PPP1R9A: variants seen among roughly 807,000 people sequenced by gnomAD.
The protein encoded by PPP1R9A is protein phosphatase 1 regulatory subunit 9A.
In PPP1R9A, 59 loss-of-function variants were observed where a neutral mutation model predicts 141.9. That is an observed-to-expected ratio of 0.42 (90% CI 0.34 to 0.52). The LOEUF (loss-of-function observed/expected upper bound fraction) is 0.52, where lower values mean the gene tolerates loss of function less well. Among genes scored for constraint, PPP1R9A ranks in the 20% least tolerant of loss-of-function variants. The probability of loss-of-function intolerance (pLI) is 0.10; values close to 1 mark genes in which losing one functional copy is unlikely to be tolerated. For missense variants in PPP1R9A, 1,444 were observed against 1,611.9 expected (o/e 0.90, Z 1.78); for synonymous variants, 500 against 569.7 (o/e 0.88, Z 1.74).
At chr7:95,049,578 T>C (rs1420538447) in intron 2 of PPP1R9A, among the ~76,000 whole-genome samples, 2 of 152,168 alleles carry the variant, frequency 1.3e-5, no homozygotes, top group Non-Finnish European at 2.9e-5. Context: ...GGTTCACTGT[T>C]AGTGTTGTAT....
At chr7:95,246,551 A>G (rs1214506269) in intron 8 of PPP1R9A, among the ~76,000 whole-genome samples, 1 of 152,166 alleles carries the variant, frequency 6.6e-6, no homozygotes, top group Non-Finnish European at 1.5e-5. Flanking sequence ...GTTTTTGACT[A>G]TAGAGTGCCT....
At chr7:94,940,487 G>C (rs1795223100) in intron 2 of PPP1R9A, among the ~76,000 whole-genome samples, 1 of 151,678 alleles carries the variant, frequency 6.6e-6, no homozygotes, top group Admixed American at 6.6e-5. Context: ...CTAGATCTGT[G>C]AGCCAAAGAT....
intron 2 of PPP1R9A, among the ~76,000 whole-genome samples, chr7:95,052,198 A>G (rs1810917199): frequency 6.6e-6 from 1 of 152,176 alleles, no homozygotes; most frequent in South Asian, 2.1e-4. Context: ...AACAGTCAGT[A>G]ATGGGCTTAA....
chr7:95,251,415 T>C (rs1049680255), intron 10 of PPP1R9A, among the ~76,000 whole-genome samples: 1 of 152,188 alleles, frequency 6.6e-6, no homozygotes, highest in African/African-American at 2.4e-5. Flanking sequence ...GCTTATGACA[T>C]TGGAAAAATG....
rs1258654392 is a variant in PPP1R9A at position 95,273,886 on chromosome 7, G to A, written c.3125-13G>A. 5 of 1,484,434 alleles carry A rather than the reference G, an allele frequency of 3.4e-6. No homozygotes were observed. The African/African-American group carries it at 5.5e-5, about 16-fold the overall frequency. The allele number at this position is 1,484,434 out of a possible 1,614,324, so 92.0% of individuals were successfully genotyped here. The stretch of plus-strand genomic sequence containing the variant: ...ATAATAATTGATCTTTTTCACAAAT[G>A]TGTATATCCTAGATGATGCCAAAGA... On this transcript the variant is annotated splice_polypyrimidine_tract_variant and intron_variant, in intron 14 of 19. Coordinates refer to ENST00000433360, the MANE Select transcript of PPP1R9A (RefSeq NM_001166160.2).
chr7:94,955,059 C>T (rs374318122), intron 2 of PPP1R9A, among the ~76,000 whole-genome samples: 13 of 151,880 alleles, frequency 8.6e-5, no homozygotes, highest in South Asian at 6.2e-4. Flanking sequence ...GTCATTAATA[C>T]AATTATTATT....
At chr7:94,914,627 A>G (rs953481622) in intron 2 of PPP1R9A, among the ~76,000 whole-genome samples, 4 of 152,232 alleles carry the variant, frequency 2.6e-5, no homozygotes, top group African/African-American at 9.6e-5. Context: ...GTTATGGACC[A>G]TGCTAATTCG....
chr7:94,952,758 G>A (rs534655845), intron 2 of PPP1R9A, among the ~76,000 whole-genome samples: 1 of 152,174 alleles, frequency 6.6e-6, no homozygotes, highest in Admixed American at 6.5e-5. Context: ...GTCTTCTTTT[G>A]ATAATTGCCT....
At chr7:95,151,160 A>G (rs961231873) in intron 4 of PPP1R9A, among the ~76,000 whole-genome samples, 1 of 152,240 alleles carries the variant, frequency 6.6e-6, no homozygotes, top group Non-Finnish European at 1.5e-5. Context: ...ACTTTTGTCC[A>G]CACAAAAACT....
At chr7:95,147,527 A>C (rs778911219) in intron 4 of PPP1R9A, among the ~76,000 whole-genome samples, 1 of 152,086 alleles carries the variant, frequency 6.6e-6, no homozygotes, top group African/African-American at 2.4e-5. Flanking sequence ...AACTTCCAAT[A>C]CTGTGTTGAA....
At chr7:95,288,784 G>A in intron 19 of PPP1R9A, 66 bp downstream of exon 19, 1 of 1,537,418 alleles carries the variant, frequency 6.5e-7, no homozygotes, top group South Asian at 1.3e-5. Flanking sequence ...CACCTAAAAT[G>A]TTTTCATTAG....
rs76481235 is a variant in PPP1R9A, at chr7:95,067,976, T to C, written c.1396-43283T>C. Reference sequence around the variant, plus strand: ...TCAAACTATGAAACAGCCCCACCCTTATCTCCCTTCACTGACTCTCTTTTC... The same window carrying C: ...TCAAACTATGAAACAGCCCCACCCTCATCTCCCTTCACTGACTCTCTTTTC... On this transcript the variant is annotated intron_variant, in intron 2 of 19. Coordinates refer to ENST00000433360, the MANE Select transcript of PPP1R9A (RefSeq NM_001166160.2). Among the ~76,000 whole-genome samples the C allele has an allele frequency of 8.3e-3, 1,239 of 150,090 alleles. 13 individuals are homozygous for C. Among genetic ancestry groups the C allele is most frequent in the African/African-American group, 0.03 (1,181 of 39,462 alleles).
chr7:95,112,389 A>G (rs1488338553), intron 3 of PPP1R9A, among the ~76,000 whole-genome samples: 2 of 152,220 alleles, frequency 1.3e-5, no homozygotes, highest in African/African-American at 4.8e-5. Flanking sequence ...CAGAACAGCT[A>G]TTATTAATAA....
chr7:95,274,621 T>G (rs1802824990), intron 16 of PPP1R9A, among the ~76,000 whole-genome samples: 1 of 152,218 alleles, frequency 6.6e-6, no homozygotes, highest in African/African-American at 2.4e-5. Context: ...CCACCATCTT[T>G]TGCTGCACTT....
intron 2 of PPP1R9A, among the ~76,000 whole-genome samples, chr7:94,925,844 C>T (rs1334714546): frequency 6.6e-6 from 1 of 151,890 alleles, no homozygotes; most frequent in East Asian, 1.9e-4. Flanking sequence ...TATTATATTT[C>T]GAGACAAGGT....
In PPP1R9A at chr7:95,202,657, A is replaced by T. The variant is rs577269279; in HGVS notation, c.1891-1008A>T. The T allele has an allele frequency of 1.3e-4, 114 of 847,942 alleles. No homozygotes were observed. In the Admixed American group the frequency reaches 3.2e-3, roughly 24 times the overall value. The allele number at this position is 847,942 out of a possible 1,614,324, so 52.5% of individuals were successfully genotyped here. A position where few individuals can be genotyped will look rare whatever the true frequency, so the allele number is the denominator to read the frequency against. On this transcript the variant is annotated intron_variant, in intron 6 of 19. Coordinates refer to ENST00000433360, the MANE Select transcript of PPP1R9A (RefSeq NM_001166160.2). ...GGGTATGATAAATTTTTCAACTAGAATTTAACTTTTTAGTAACATTTAATC... is the reference window on the plus strand; with the variant it reads ...GGGTATGATAAATTTTTCAACTAGATTTTAACTTTTTAGTAACATTTAATC...
intron 2 of PPP1R9A, among the ~76,000 whole-genome samples, chr7:95,099,759 A>C (rs376316786): frequency 6.6e-6 from 1 of 152,190 alleles, no homozygotes; most frequent in African/African-American, 2.4e-5. Context: ...AGATGGAAAA[A>C]AGACCAACCA....
chr7:94,963,351 T>TA (rs1462750204), intron 2 of PPP1R9A, among the ~76,000 whole-genome samples: 1 of 152,140 alleles, frequency 6.6e-6, no homozygotes, highest in Non-Finnish European at 1.5e-5. Context: ...TTCTATTTTT[T>TA]ATAGCAGCTT....
At chr7:95,141,530 C>T (rs941669161) in intron 4 of PPP1R9A, among the ~76,000 whole-genome samples, 2 of 152,112 alleles carry the variant, frequency 1.3e-5, no homozygotes, top group African/African-American at 4.8e-5. Flanking sequence ...CCCAGCTCTC[C>T]TCTCCCTTCT....
Sources: gnomAD v4.1 joint callset for allele counts (sites outside exome capture counted in the v4.1 genomes callset) on GRCh38, gnomAD v4.1.1 for gene constraint, MANE v1.5 for transcripts, NCBI Gene and HGNC (gene_info 2026-07-23, HGNC 2026-07-21) for gene names.